Variants in BRCA2 observed in about 807,000 individuals in gnomAD.
BRCA2 encodes BRCA2 DNA repair associated.
Under a neutral mutation model 276.7 loss-of-function variants are expected in BRCA2, and 203 were observed. That is an observed-to-expected ratio of 0.73 (90% CI 0.65 to 0.82). The LOEUF is 0.82. BRCA2 is among the 40% of genes least tolerant of loss of function. The probability of loss-of-function intolerance (pLI) is 0.00; values close to 1 mark genes in which losing one functional copy is unlikely to be tolerated. For synonymous variants in BRCA2, 1,289 were observed against 1,338.4 expected (o/e 0.96, Z 0.81); for missense variants, 3,920 against 3,915.0 (o/e 1.00, Z -0.03).
chr13:32,363,946 C>T (rs187519705), intron 18 of BRCA2, among the ~76,000 whole-genome samples: 44 of 152,202 alleles, frequency 2.9e-4, no homozygotes, highest in African/African-American at 9.9e-4. Context: ...GACTCTTTGT[C>T]ATATTGAATG....
chr13:32,339,669 A>G lies in BRCA2; in HGVS notation c.5314A>G (p.Ile1772Val). The change falls in exon 11 of 27, where the codon ATT becomes GTT. Residue 1772 changes from isoleucine (I) to valine (V), a missense_variant. Transcript: ENST00000380152. ...CTCAAAAAATAAACTTGATTCTGGT[A>G]TTGAGCCAGTATTGAAGAATGTTGA... ...YLSKNKLDSG[I>V]EPVLKNVEDQ... 6.2e-7 allele frequency: 1 copy of G among 1,612,412 alleles called. No individual in the cohort carries two copies. The highest frequency in any genetic ancestry group is 8.5e-7 in the Non-Finnish European group (1 of 1,178,658).
At chr13:32,353,852 T>A (rs957175254) in intron 13 of BRCA2, among the ~76,000 whole-genome samples, 1 of 152,192 alleles carries the variant, frequency 6.6e-6, no homozygotes, top group Admixed American at 6.5e-5. Flanking sequence ...TTTGGACATG[T>A]TGAGTTTGAA....
intron 4 of BRCA2, among the ~76,000 whole-genome samples, chr13:32,325,589 G>A (rs528137357): frequency 7.5e-5 from 11 of 146,520 alleles, no homozygotes; most frequent in Middle Eastern, 3.6e-3. Flanking sequence ...CACCCAGGCT[G>A]TAGTGCAGTG....
intron 13 of BRCA2, among the ~76,000 whole-genome samples, chr13:32,348,469 G>T (rs1593914088): frequency 6.6e-6 from 1 of 151,994 alleles, no homozygotes; most frequent in Non-Finnish European, 1.5e-5. Context: ...GTTTCAAATT[G>T]TTTCAAGCCA....
rs1285885290 is a variant in BRCA2, at chr13:32,340,101, CATTCACATA to C, written c.5748_5756del (p.His1916_Lys1919delinsGln). 6.2e-7 allele frequency: 1 copy of C among 1,613,796 alleles called. No homozygotes were observed. On this transcript the variant is annotated inframe_deletion, in exon 11 of 27. Transcript: ENST00000380152. ...TCTAGATAATGATGAATGTAGCACG[CATTCACATA>C]AGGTTTTTGCTGACATTCAGAGTGA...
chr13:32,377,807 C>T (rs962372891), intron 21 of BRCA2, among the ~76,000 whole-genome samples: 1 of 151,906 alleles, frequency 6.6e-6, no homozygotes, highest in Non-Finnish European at 1.5e-5. Context: ...AATATTTTAC[C>T]AAAACTACTT....
chr13:32,317,314 C>G (rs1566214988), intron 2 of BRCA2, among the ~76,000 whole-genome samples: 1 of 151,884 alleles, frequency 6.6e-6, no homozygotes, highest in African/African-American at 2.4e-5. Flanking sequence ...TTTTTGAAAA[C>G]AAGTGAGTGG....
rs372549503 is a variant in BRCA2, at chr13:32,362,729, G to A, written c.7976+36G>A. 6 of 1,606,682 alleles carry A rather than the reference G, an allele frequency of 3.7e-6. No homozygotes were observed. Among genetic ancestry groups the A allele is most frequent in the East Asian group, 2.2e-5 (1 of 44,834 alleles). On this transcript the variant is annotated intron_variant, in intron 17 of 26. Coordinates refer to ENST00000380152, the MANE Select transcript of BRCA2 (RefSeq NM_000059.4). ...AGCATTACATTACGTAATCATATAC[G>A]GCAGTATGGTTAAGGTTTCTGTGTA...
At chr13:32,348,590 A>T (rs1185818544) in intron 13 of BRCA2, among the ~76,000 whole-genome samples, 2 of 152,220 alleles carry the variant, frequency 1.3e-5, no homozygotes, top group Non-Finnish European at 2.9e-5. Context: ...TCCAACCTAG[A>T]ATCTGAATTA....
rs1060502498 is a variant in BRCA2 at position 32,337,582 on chromosome 13, T to C, written c.3227T>C (p.Val1076Ala). 2.5e-6 allele frequency: 4 copies of C among 1,598,396 alleles called. No individual in the cohort carries two copies. The East Asian group carries it at 9.0e-5, about 36-fold the overall frequency. The part of the protein sequence containing the change: ...NTVSAHLQSS[V>A]VVSDCKNSHI... ...GTATCTGCACATTTACAGAGTAGTG[T>C]AGTTGTTTCTGATTGTAAAAATAGT... Residue 1076 changes from valine to alanine, a missense_variant, in exon 11 of 27, where the codon GTA becomes GCA. Physicochemically the swap from Val to Ala is moderately conservative, Grantham distance 64 (BLOSUM62 0). Transcript: ENST00000380152.
chr13:32,324,850 A>G (rs1383123807), intron 3 of BRCA2, among the ~76,000 whole-genome samples: 2 of 152,114 alleles, frequency 1.3e-5, no homozygotes, highest in African/African-American at 2.4e-5. Flanking sequence ...TCCTGCCTCA[A>G]GCAATCCTCC....
chr13:32,384,259 A>G (rs1484318844), intron 24 of BRCA2, among the ~76,000 whole-genome samples: 3 of 152,188 alleles, frequency 2.0e-5, no homozygotes, highest in Non-Finnish European at 4.4e-5. Flanking sequence ...GCAGACAAGA[A>G]CCAGGTTTGT....
chr13:32,359,935 C>T (rs910452871), intron 16 of BRCA2, among the ~76,000 whole-genome samples: 1 of 152,122 alleles, frequency 6.6e-6, no homozygotes, highest in Non-Finnish European at 1.5e-5. Context: ...ATGAGTCATA[C>T]ATTCTATGTG....
chr13:32,344,765 C>A (rs1331644437), intron 12 of BRCA2, 112 bp downstream of exon 12: 1 of 751,522 alleles, frequency 1.3e-6, no homozygotes, highest in South Asian at 1.6e-5. Context: ...CAGACATGAG[C>A]CACTGTGCCT....
chr13:32,342,363 C>CT (rs1275800380), intron 11 of BRCA2, among the ~76,000 whole-genome samples: 2 of 151,880 alleles, frequency 1.3e-5, no homozygotes, highest in African/African-American at 4.8e-5. Context: ...GGCTTGCTCC[C>CT]TTTTTTTCAT....
In BRCA2 at chr13:32,339,791, A is replaced by T. The variant is rs754090538; in HGVS notation, c.5436A>T (p.Glu1812Asp). ...QTVNEDICVE[E>D]LVTSSSPCKN... ...TAAATGAAGATATTTGCGTTGAGGA[A>T]CTTGTGACTAGCTCTTCACCCTGCA... is the stretch of plus-strand genomic sequence containing the variant. The change falls in exon 11 of 27, where the codon GAA becomes GAT. Residue 1812 changes from glutamate (E) to aspartate (D), a missense_variant. Around this residue, in one of 2 missense-constraint regions of BRCA2, gnomAD observed 3,263 missense variants for 3,156.9 expected, o/e 1.03. Coordinates refer to ENST00000380152, the MANE Select transcript of BRCA2 (RefSeq NM_000059.4). The T allele has an allele frequency of 6.2e-7, 1 of 1,613,796 alleles. No individual in the cohort carries two copies.
At chr13:32,360,381 A>T (rs2072730388) in intron 16 of BRCA2, among the ~76,000 whole-genome samples, 1 of 152,134 alleles carries the variant, frequency 6.6e-6, no homozygotes. Context: ...CTTTTTTTTG[A>T]GACAGTCTCA....
intron 24 of BRCA2, among the ~76,000 whole-genome samples, chr13:32,388,093 G>A (rs2072973340): frequency 1.3e-5 from 2 of 150,888 alleles, no homozygotes; most frequent in South Asian, 4.2e-4. Context: ...AAGCCGCATA[G>A]GGCTGGACCC....
At position 32,333,324 on chromosome 13, in the gene BRCA2, T is replaced by A. The variant is rs2137475583; in HGVS notation, c.1846T>A (p.Cys616Ser). The A allele has an allele frequency of 6.2e-7, 1 of 1,605,640 alleles. No homozygotes were observed. Among genetic ancestry groups the A allele is most frequent in the Non-Finnish European group, 8.5e-7 (1 of 1,178,086 alleles). Residue 616 changes from cysteine to serine, a missense_variant, in exon 10 of 27, where the codon TGT becomes AGT. This residue lies in a region of BRCA2 where 3,263 missense variants were observed against 3,156.9 expected (regional missense o/e 1.03). Transcript: ENST00000380152. ...PKDQKSELIN[C>S]SAQFEANAFE... The stretch of plus-strand genomic sequence containing the variant: ...AGACCAAAAATCAGAACTAATTAAC[T>A]GTTCAGCCCAGTTTGAAGCAAATGC...
Sources: gnomAD v4.1 joint callset for allele counts (sites outside exome capture counted in the v4.1 genomes callset) on GRCh38, gnomAD v4.1.1 for gene constraint, gnomAD v4.1.1 regional missense constraint, MANE v1.5 for transcripts, NCBI Gene and HGNC (gene_info 2026-07-23, HGNC 2026-07-21) for gene names.